Variants in SOX5 observed in about 807,000 individuals in gnomAD.
SOX5 encodes SRY-box transcription factor 5, also known as transcription factor SOX-5.
A neutral mutation model predicts 92.0 loss-of-function variants in SOX5; 9 were observed. The ratio of observed to expected loss-of-function variants is 0.10; its 90% CI spans 0.06 to 0.17. SOX5 has a LOEUF of 0.17. SOX5 is among the 10% of genes least tolerant of loss of function. The pLI, the probability that SOX5 is intolerant of heterozygous loss-of-function variation, is 1.00. For synonymous variants in SOX5, 344 were observed against 336.3 expected (o/e 1.02, Z -0.25); for missense variants, 642 against 944.5 (o/e 0.68, Z 4.20).
chr12:24,373,045 G>T (rs573096967), intron 1 of SOX5, among the ~76,000 whole-genome samples: 28 of 151,938 alleles, frequency 1.8e-4, no homozygotes, highest in Non-Finnish European at 3.8e-4. Flanking sequence ...GTAAGCCTGG[G>T]AAGTGGAGGC....
At chr12:24,163,906 T>C (rs1480371753) in intron 4 of SOX5, among the ~76,000 whole-genome samples, 1 of 152,022 alleles carries the variant, frequency 6.6e-6, no homozygotes, top group Non-Finnish European at 1.5e-5. Flanking sequence ...GGTTCTGCAA[T>C]TTGTGAAAAA....
chr12:23,573,430 T>C (rs1948670603), intron 10 of SOX5, among the ~76,000 whole-genome samples: 1 of 152,232 alleles, frequency 6.6e-6, no homozygotes. Flanking sequence ...TTAATTGTCC[T>C]GCAGAAGGTG....
intron 3 of SOX5, among the ~76,000 whole-genome samples, chr12:24,231,322 C>A (rs955872371): frequency 7.2e-5 from 11 of 152,190 alleles, no homozygotes; most frequent in Admixed American, 3.9e-4. Context: ...ATGGATGAAA[C>A]AAGCAAATCC....
At chr12:24,134,314 C>A (rs2138548077) in intron 4 of SOX5, among the ~76,000 whole-genome samples, 1 of 152,266 alleles carries the variant, frequency 6.6e-6, no homozygotes, top group South Asian at 2.1e-4. Flanking sequence ...GTGAGAAATT[C>A]TGCAACAGAG....
chr12:24,321,836 A>G (rs1412247769), intron 2 of SOX5, among the ~76,000 whole-genome samples: 1 of 152,198 alleles, frequency 6.6e-6, no homozygotes, highest in Non-Finnish European at 1.5e-5. Context: ...GGGAAAAGTT[A>G]TATTATGTGA....
chr12:23,850,362 G>A (rs1160085708), intron 2 of SOX5, among the ~76,000 whole-genome samples: 1 of 151,270 alleles, frequency 6.6e-6, no homozygotes. Flanking sequence ...TCACAAGGTG[G>A]AGATTGCAGA....
At chr12:23,673,424 G>T (rs1200689631) in intron 6 of SOX5, among the ~76,000 whole-genome samples, 1 of 152,044 alleles carries the variant, frequency 6.6e-6, no homozygotes, top group African/African-American at 2.4e-5. Context: ...AATGTGAACA[G>T]AATCAAGATT....
intron 6 of SOX5, among the ~76,000 whole-genome samples, chr12:23,667,123 T>C (rs1219374233): frequency 6.6e-6 from 1 of 151,628 alleles, no homozygotes; most frequent in Non-Finnish European, 1.5e-5. Context: ...GTGTGTGTGG[T>C]GGTGGGGGCG....
intron 1 of SOX5, among the ~76,000 whole-genome samples, chr12:24,456,222 C>T (rs1189252263): frequency 4.6e-5 from 7 of 152,124 alleles, no homozygotes; most frequent in Non-Finnish European, 8.8e-5. Context: ...AAACAATTTC[C>T]GCCAAATCAA....
intron 11 of SOX5, among the ~76,000 whole-genome samples, chr12:23,546,698 T>C (rs1943200806): frequency 6.6e-6 from 1 of 152,078 alleles, no homozygotes; most frequent in Non-Finnish European, 1.5e-5. Context: ...GAGACAACCT[T>C]CCCAAATTAC....
intron 7 of SOX5, among the ~76,000 whole-genome samples, chr12:23,641,418 A>T (rs1360507705): frequency 6.6e-6 from 1 of 152,168 alleles, no homozygotes; most frequent in Non-Finnish European, 1.5e-5. Context: ...AAAACATTTT[A>T]TGTGTTTTTC....
chr12:23,534,187 G>A lies in SOX5; in HGVS notation c.*32C>T. 6.3e-7 allele frequency: 1 copy of A among 1,592,246 alleles called. No homozygotes were observed. The highest frequency in any genetic ancestry group is 1.1e-5 in the South Asian group (1 of 88,426). ...GATGAACCAGTTAGGGCTTCTTTAAGTCCTAAGGTCACAACAATCTTTTGA... is the reference window on the plus strand; with the variant it reads ...GATGAACCAGTTAGGGCTTCTTTAAATCCTAAGGTCACAACAATCTTTTGA... On this transcript the variant is annotated 3_prime_UTR_variant, in exon 15 of 15. Coordinates refer to ENST00000451604, the MANE Select transcript of SOX5 (RefSeq NM_006940.6).
intron 1 of SOX5, among the ~76,000 whole-genome samples, chr12:24,541,424 G>A (rs77127408): frequency 0.023 from 3,530 of 152,252 alleles, 152 homozygotes; most frequent in African/African-American, 0.081. Flanking sequence ...TAGACTTTTT[G>A]TAGTTACAAA....
At chr12:24,394,355 A>G (rs1005680158) in intron 1 of SOX5, among the ~76,000 whole-genome samples, 1 of 152,130 alleles carries the variant, frequency 6.6e-6, no homozygotes, top group African/African-American at 2.4e-5. Context: ...AGCAAATCCT[A>G]CAGATTTCAG....
At chr12:24,160,400 G>T (rs4259905) in intron 4 of SOX5, among the ~76,000 whole-genome samples, 130,064 of 151,956 alleles carry the variant, frequency 0.86, 55,859 homozygotes, top group East Asian at 0.99. Flanking sequence ...GGAGGTTGGA[G>T]AAGCTTTAAA....
intron 6 of SOX5, among the ~76,000 whole-genome samples, chr12:23,723,094 G>C (rs753971319): frequency 6.6e-5 from 10 of 151,900 alleles, no homozygotes; most frequent in Non-Finnish European, 1.2e-4. Context: ...GCATGACACG[G>C]GTGCTCATGA....
Position 24,372,951 on chromosome 12 carries a change from C to CAAAA in SOX5, c.-250-4316_-250-4313dup, listed in dbSNP as rs375852900. 5.1e-3 allele frequency among the ~76,000 whole-genome samples: 628 copies of CAAAA among 122,500 alleles called. 10 individuals are homozygous for CAAAA. The highest frequency in any genetic ancestry group is 0.017 in the African/African-American group (535 of 31,904). 80.4% of individuals were successfully genotyped at this position (122,500 alleles called of 152,430 possible). On this transcript the variant is annotated intron_variant, in intron 1 of 4. Coordinates refer to the SOX5 transcript ENST00000446891. ...AAAAATGGCAAAACCCCATCTCTACCAAAAAAAAAAAAAAAAAACTGCTGG... is the reference window on the plus strand; with the variant it reads ...AAAAATGGCAAAACCCCATCTCTACCAAAAAAAAAAAAAAAAAAAAAACTGCTGG...
chr12:24,324,764 C>T (rs372379631), intron 2 of SOX5, among the ~76,000 whole-genome samples: 1 of 152,014 alleles, frequency 6.6e-6, no homozygotes, highest in East Asian at 1.9e-4. Context: ...ATAACAATAC[C>T]TACCTCATAG....
intron 3 of SOX5, among the ~76,000 whole-genome samples, chr12:24,245,235 T>TTGTGTGTGTGTG (rs58384963): frequency 2.6e-4 from 38 of 144,364 alleles, no homozygotes; most frequent in African/African-American, 7.8e-4. Context: ...TTGGAGAGAT[T>TTGTGTGTGTGTG]TGTGTGTGTG....
Sources: gnomAD v4.1 joint callset for allele counts (sites outside exome capture counted in the v4.1 genomes callset) on GRCh38, gnomAD v4.1.1 for gene constraint, MANE v1.5 for transcripts, NCBI Gene and HGNC (gene_info 2026-07-23, HGNC 2026-07-21) for gene names.